Variants in BLTP3B observed in about 807,000 individuals in gnomAD.
The protein encoded by BLTP3B is UHRF1 (ICBP90) binding protein 1-like.
chr12:100,049,129 T>C, the BLTP3B span, among the ~76,000 whole-genome samples: 1 of 152,072 alleles, frequency 6.6e-6, no homozygotes, highest in Non-Finnish European at 1.5e-5. Context: ...GAAAAGTAGT[T>C]GGTAAGATTA....
At chr12:100,047,977 T>C in the BLTP3B span, 16 of 1,557,010 alleles carry the variant, frequency 1.0e-5, no homozygotes, top group Non-Finnish European at 1.4e-5. Flanking sequence ...AACTTGTATC[T>C]TCATTGGCAT....
the BLTP3B span, chr12:100,058,760 C>T: frequency 1.2e-6 from 2 of 1,613,838 alleles, no homozygotes; most frequent in African/African-American, 1.3e-5. Context: ...TCCTTAAGTT[C>T]TCTGAAAGCA....
the BLTP3B span, among the ~76,000 whole-genome samples, chr12:100,076,476 C>T: frequency 1.1e-4 from 16 of 151,218 alleles, no homozygotes; most frequent in African/African-American, 3.9e-4. Context: ...CCACAACAAC[C>T]TCTGCCTCCT....
the BLTP3B span, chr12:100,059,224 G>A: frequency 1.2e-6 from 2 of 1,614,054 alleles, no homozygotes; most frequent in Non-Finnish European, 1.7e-6. Context: ...GAAGTTTTAA[G>A]AGTGTTTTTA....
the BLTP3B span, among the ~76,000 whole-genome samples, chr12:100,043,257 T>C: frequency 6.6e-6 from 1 of 152,222 alleles, no homozygotes; most frequent in African/African-American, 2.4e-5. Context: ...ATCAGCAATA[T>C]ATTTAAAGTA....
At chr12:100,078,933 T>A in the BLTP3B span, among the ~76,000 whole-genome samples, 2 of 152,156 alleles carry the variant, frequency 1.3e-5, no homozygotes, top group Non-Finnish European at 2.9e-5. Context: ...TCTCACAAGA[T>A]CTGATGGTTT....
chr12:100,038,815 T>G, the BLTP3B span, among the ~76,000 whole-genome samples: 897 of 152,308 alleles, frequency 5.9e-3, 9 homozygotes, highest in African/African-American at 0.02. Flanking sequence ...ACTTTCTGCG[T>G]CACATAGATA....
chr12:100,098,739 T>TA, the BLTP3B span, among the ~76,000 whole-genome samples: 11,024 of 144,168 alleles, frequency 0.076, 506 homozygotes, highest in African/African-American at 0.11. Context: ...CCATCTCTAC[T>TA]AAAAAAAAAA....
the BLTP3B span, chr12:100,037,755 G>A: frequency 2.5e-6 from 4 of 1,591,884 alleles, no homozygotes; most frequent in Non-Finnish European, 3.4e-6. Flanking sequence ...TCTTCCATGA[G>A]CTGAAATGAT....
chr12:100,102,140 C>T, the BLTP3B span, among the ~76,000 whole-genome samples: 3,683 of 145,464 alleles, frequency 0.025, 356 homozygotes, highest in East Asian at 0.33. Flanking sequence ...GACGGAGTCT[C>T]GCTCTGTCAC....
At chr12:100,121,354 GAAAAAAA>G in the BLTP3B span, among the ~76,000 whole-genome samples, 9,793 of 97,116 alleles carry the variant, frequency 0.1, 359 homozygotes, top group South Asian at 0.13. Context: ...CCATCTCATG[GAAAAAAA>G]AAAAAAAAAA....
At chr12:100,070,233 T>G in the BLTP3B span, 50 of 1,521,646 alleles carry the variant, frequency 3.3e-5, no homozygotes, top group African/African-American at 5.2e-4. Context: ...CACAAAAGAT[T>G]GTTGAAACAT....
chr12:100,058,232 T>A, the BLTP3B span: 1 of 1,612,614 alleles, frequency 6.2e-7, no homozygotes, highest in African/African-American at 1.3e-5. Context: ...TATTCGAATC[T>A]TCTCTGTAGT....
chr12:100,135,788 A>G, the BLTP3B span, among the ~76,000 whole-genome samples: 1 of 152,164 alleles, frequency 6.6e-6, no homozygotes, highest in African/African-American at 2.4e-5. Context: ...ATCTTTGCCT[A>G]GTGTGTTAAC....
chr12:100,060,210 TTAGA>T, the BLTP3B span, among the ~76,000 whole-genome samples: 1 of 152,132 alleles, frequency 6.6e-6, no homozygotes, highest in Admixed American at 6.6e-5. Context: ...ACAAACACAT[TTAGA>T]TAGACAAAAA....
chr12:100,094,118 T>C, the BLTP3B span, among the ~76,000 whole-genome samples: 1 of 152,198 alleles, frequency 6.6e-6, no homozygotes, highest in African/African-American at 2.4e-5. Flanking sequence ...GGGATTTGTT[T>C]GTTTTCCTTT....
chr12:100,137,989 G>A, the BLTP3B span, among the ~76,000 whole-genome samples: 181 of 152,272 alleles, frequency 1.2e-3, no homozygotes, highest in African/African-American at 4.2e-3. Flanking sequence ...AACCTGACAG[G>A]AGAGATCAAA....
the BLTP3B span, among the ~76,000 whole-genome samples, chr12:100,041,341 C>T: frequency 6.6e-6 from 1 of 151,694 alleles, no homozygotes; most frequent in Admixed American, 6.6e-5. Context: ...AAACATCCCA[C>T]ATCTAATATG....
the BLTP3B span, among the ~76,000 whole-genome samples, chr12:100,139,657 A>G: frequency 1.3e-5 from 2 of 151,728 alleles, no homozygotes; most frequent in African/African-American, 4.9e-5. Context: ...TTGCCTCAGT[A>G]AAAAAAAGCA....
Sources: allele counts gnomAD v4.1 joint callset (sites outside exome capture counted in the v4.1 genomes callset), GRCh38; gene constraint gnomAD v4.1.1; transcripts MANE v1.5; gene names NCBI Gene and HGNC (gene_info 2026-07-23, HGNC 2026-07-21).